The following PNISR variants were observed in gnomAD, a reference collection of about 807,000 sequenced individuals.
PNISR encodes the protein arginine/serine-rich protein PNISR.
In PNISR, 20 loss-of-function variants were observed where a neutral mutation model predicts 93.4. The ratio of observed to expected loss-of-function variants is 0.21; its 90% confidence interval spans 0.15 to 0.31. The LOEUF (loss-of-function observed/expected upper bound fraction) is 0.31, where lower values mean the gene tolerates loss of function less well. Ranked by LOEUF, PNISR falls within the 10% of genes least tolerant of loss-of-function variation. The pLI is 1.00. For synonymous variants in PNISR, 305 were observed against 306.5 expected, an observed-to-expected ratio of 0.99 and a Z score of 0.05; for missense variants, 893 against 985.4, an observed-to-expected ratio of 0.91 and a Z score of 1.25.
intron 3 of PNISR, among the ~76,000 whole-genome samples, chr6:99,414,291 C>T (rs1221464529): frequency 6.6e-6 from 1 of 152,204 alleles, no homozygotes; most frequent in Non-Finnish European, 1.5e-5. Flanking sequence ...CCATAAGCAA[C>T]ATATTTTAGG....
At chr6:99,425,085 A>T (rs762544436) in intron 1 of PNISR, 130 bp downstream of exon 1, 6 of 485,082 alleles carry the variant, frequency 1.2e-5, no homozygotes, top group Non-Finnish European at 2.0e-5. Flanking sequence ...GCTTTAAAGG[A>T]ATGAGGTTCC....
intron 4 of PNISR, chr6:99,412,054 T>G: frequency 3.4e-6 from 1 of 298,254 alleles, no homozygotes; most frequent in Non-Finnish European, 6.6e-6. Context: ...AACAAAAAAG[T>G]AAAACACACA....
intron 4 of PNISR, 32 bp from the exon 5 acceptor site, chr6:99,410,996 C>T: frequency 1.3e-6 from 2 of 1,493,954 alleles, no homozygotes; most frequent in South Asian, 1.1e-5. Flanking sequence ...AAACATTCAA[C>T]AGGCGGTTAT....
At chr6:99,412,378 T>C in intron 4 of PNISR, 173 bp downstream of exon 4, 1 of 700,404 alleles carries the variant, frequency 1.4e-6, no homozygotes, top group South Asian at 1.5e-5. Context: ...GCAGAATGAG[T>C]ACAGAATAAT....
intron 1 of PNISR, among the ~76,000 whole-genome samples, chr6:99,419,152 CAAAAAAAAAAAAAAA>C (rs1166838873): frequency 5.0e-4 from 10 of 19,804 alleles, no homozygotes; most frequent in African/African-American, 1.8e-3. Context: ...GACTCCGTCT[CAAAAAAAAAAAAAAA>C]AAAAAAAAAA....
rs367961374 is a variant in PNISR at position 99,408,211 on chromosome 6, C to T, written c.734G>A (p.Arg245His). ...WIREGLEKME[R>H]EKQKKLEKER... ...TTTCTCCAATTTCTTCTGCTTTTCA[C>T]GTTCCATTTTTTCAAGACCTTCGCG... The change falls in exon 7 of 12, where the codon CGT becomes CAT. Residue 245 changes from arginine (R) to histidine (H), a missense_variant. Coordinates refer to ENST00000369239, the MANE Select transcript of PNISR (RefSeq NM_032870.4). 15 of 1,613,298 alleles carry T rather than the reference C, an allele frequency of 9.3e-6. No homozygotes were observed. The highest frequency in any genetic ancestry group is 2.2e-5 in the South Asian group (2 of 91,042).
chr6:99,422,467 A>G (rs1364455430), intron 1 of PNISR, among the ~76,000 whole-genome samples: 1 of 152,256 alleles, frequency 6.6e-6, no homozygotes, highest in Non-Finnish European at 1.5e-5. Context: ...TGGCACTGGT[A>G]AAAATTAATC....
intron 9 of PNISR, chr6:99,404,362 A>G (rs965005649): frequency 4.5e-5 from 22 of 492,012 alleles, no homozygotes; most frequent in African/African-American, 4.1e-4. Flanking sequence ...GGAATTTTCC[A>G]CAATACATTT....
intron 5 of PNISR, 116 bp from the exon 6 acceptor site, chr6:99,409,460 T>A: frequency 1.2e-6 from 1 of 831,408 alleles, no homozygotes; most frequent in Non-Finnish European, 1.9e-6. Context: ...ATCCAAGAAT[T>A]CCATGGCTCT....
In PNISR at chr6:99,412,837, T is replaced by TA. The variant is rs552605296; in HGVS notation, c.89-99dup. The TA allele has an allele frequency of 1.1e-3, 815 of 758,592 alleles. 2 individuals are homozygous for TA. Among genetic ancestry groups the TA allele is most frequent in the Non-Finnish European group, 1.5e-3 (739 of 504,084 alleles). 47.0% of individuals were successfully genotyped at this position (758,592 alleles called of 1,614,324 possible). A position where few individuals can be genotyped will look rare whatever the true frequency, so the allele number is the denominator to read the frequency against. The stretch of plus-strand genomic sequence containing the variant: ...AGCAGCTCAACTATTCCTTAGATCT[T>TA]AAATATTTCAGACAGAGAGGGTATG... On this transcript the variant is annotated intron_variant, in intron 3 of 11. Transcript: ENST00000369239.
At position 99,398,800 on chromosome 6, in the gene PNISR, T is replaced by C. The variant is rs963089688; in HGVS notation, c.*1740A>G. The C allele has an allele frequency of 6.6e-6, 1 of 152,146 alleles. No individual in the cohort carries two copies. The highest frequency in any genetic ancestry group is 1.5e-5 in the Non-Finnish European group (1 of 67,956). The allele number at this position is 152,146 out of a possible 1,614,324, so 9.4% of individuals were successfully genotyped here. ...ATTAGGTACACTGTGTTAGCTCGCC[T>C]ACATAAAAAATATTGCACATTTTAT... On this transcript the variant is annotated 3_prime_UTR_variant, in exon 12 of 12. Transcript: ENST00000369239.
intron 1 of PNISR, among the ~76,000 whole-genome samples, chr6:99,421,292 C>T (rs1409535914): frequency 6.6e-6 from 1 of 152,002 alleles, no homozygotes; most frequent in African/African-American, 2.4e-5. Flanking sequence ...CACACACTGC[C>T]GCAAAAAAAT....
intron 4 of PNISR, among the ~76,000 whole-genome samples, chr6:99,411,425 C>T (rs1406553501): frequency 6.6e-6 from 1 of 152,058 alleles, no homozygotes; most frequent in Admixed American, 6.6e-5. Flanking sequence ...ATCACTTGCC[C>T]AGGGTCACAA....
chr6:99,402,763 A>G, intron 10 of PNISR, 53 bp from the exon 11 acceptor site: 4 of 1,331,198 alleles, frequency 3.0e-6, no homozygotes, highest in East Asian at 2.4e-5. Context: ...CTATGCACTA[A>G]AAACTTTTCA....
In PNISR at chr6:99,398,105, C is replaced by T. The variant is rs1480076364; in HGVS notation, c.*2435G>A. ...TGGGGCCTGAAACAAATCTTATAATCACCTCTTTCAAATTACATTTTATTC... is the reference window on the plus strand; with the variant it reads ...TGGGGCCTGAAACAAATCTTATAATTACCTCTTTCAAATTACATTTTATTC... On this transcript the variant is annotated 3_prime_UTR_variant, in exon 12 of 12. Coordinates refer to ENST00000369239, the MANE Select transcript of PNISR (RefSeq NM_032870.4). 6.6e-6 allele frequency: 1 copy of T among 152,122 alleles called. No individual in the cohort carries two copies. The highest frequency in any genetic ancestry group is 1.5e-5 in the Non-Finnish European group (1 of 67,996). 9.4% of individuals were successfully genotyped at this position (152,122 alleles called of 1,614,324 possible). A position where few individuals can be genotyped will look rare whatever the true frequency, so the allele number is the denominator to read the frequency against.
chr6:99,408,417 T>C, intron 6 of PNISR, 146 bp from the exon 7 acceptor site: 1 of 603,046 alleles, frequency 1.7e-6, no homozygotes, highest in Non-Finnish European at 2.9e-6. Context: ...ACTGCTCTAG[T>C]GCTTACAATC....
In PNISR at chr6:99,409,253, C is replaced by T. The variant is rs1217493613; in HGVS notation, c.593G>A (p.Arg198Gln). 2.5e-6 allele frequency: 4 copies of T among 1,613,838 alleles called. No individual in the cohort carries two copies. Among genetic ancestry groups the T allele is most frequent in the African/African-American group, 1.3e-5 (1 of 74,902 alleles). Residue 198 changes from arginine to glutamine, a missense_variant, in exon 6 of 12, where the codon CGA becomes CAA. Arg to Gln is a conservative substitution (Grantham distance 43). This residue lies in a region of PNISR where 866 missense variants were observed against 935.1 expected (regional missense o/e 0.93). Coordinates refer to ENST00000369239, the MANE Select transcript of PNISR (RefSeq NM_032870.4). ...CCTGAATGATGATGGCCTTTCTCTT[C>T]GATTCTGGGGAGGTGCTGGAGGTCC... ...PPGPPAPPQN[R>Q]RERPSSFRDR... is the part of the protein sequence containing the mutation.
intron 6 of PNISR, 33 bp from the exon 7 acceptor site, chr6:99,408,304 GT>G: frequency 1.4e-6 from 2 of 1,434,262 alleles, no homozygotes; most frequent in Non-Finnish European, 1.9e-6. Context: ...ACGCAAGTCA[GT>G]TAAGTAAAAT....
rs376918237 is a variant in PNISR, at chr6:99,410,726, C to T, written c.501+15G>A. 10 of 1,592,150 alleles carry T rather than the reference C, an allele frequency of 6.3e-6. No homozygotes were observed. Among genetic ancestry groups the T allele is most frequent in the Admixed American group, 3.4e-5 (2 of 59,698 alleles). ...GTGCACATCTACAATATTAAAGCAACAAAATATCTTTCACCTGATAGTCAA... is the reference window on the plus strand; with the variant it reads ...GTGCACATCTACAATATTAAAGCAATAAAATATCTTTCACCTGATAGTCAA... On this transcript the variant is annotated intron_variant, in intron 5 of 11. Transcript: ENST00000369239.
Sources: gnomAD v4.1 joint callset for allele counts (sites outside exome capture counted in the v4.1 genomes callset) on GRCh38, gnomAD v4.1.1 for gene constraint, gnomAD v4.1.1 regional missense constraint, MANE v1.5 for transcripts, NCBI Gene and HGNC (gene_info 2026-07-23, HGNC 2026-07-21) for gene names.